The following ATRNL1 variants were observed in gnomAD, a reference collection of about 807,000 sequenced individuals.
The protein encoded by ATRNL1 is attractin like 1, also known as attractin-like protein 1.
Under a neutral mutation model 182.7 loss-of-function variants are expected in ATRNL1, and 95 were observed. The ratio of observed to expected loss-of-function variants is 0.52; its 90% CI spans 0.44 to 0.62. The LOEUF (loss-of-function observed/expected upper bound fraction) is 0.62. ATRNL1 is among the 20% of genes least tolerant of loss of function. The probability of loss-of-function intolerance (pLI) is 0.00; values close to 1 mark genes in which losing one functional copy is unlikely to be tolerated. For missense variants in ATRNL1, 1,471 were observed against 1,679.5 expected, an observed-to-expected ratio of 0.88 and a Z score of 2.17; for synonymous variants, 576 against 568.3, an observed-to-expected ratio of 1.01 and a Z score of -0.19.
At chr10:115,436,475 ATGAT>A (rs1162877123) in intron 21 of ATRNL1, among the ~76,000 whole-genome samples, 1 of 152,094 alleles carries the variant, frequency 6.6e-6, no homozygotes, top group Non-Finnish European at 1.5e-5. Context: ...TGTTTTTTCT[ATGAT>A]ATGATATCTA....
chr10:115,635,833 A>G (rs564543539), intron 26 of ATRNL1, among the ~76,000 whole-genome samples: 1 of 152,192 alleles, frequency 6.6e-6, no homozygotes, highest in Admixed American at 6.5e-5. Context: ...GAACCACTAC[A>G]TGTAAGTATA....
chr10:115,560,272 A>C (rs534755364), intron 26 of ATRNL1, among the ~76,000 whole-genome samples: 1 of 152,326 alleles, frequency 6.6e-6, no homozygotes, highest in Admixed American at 6.5e-5. Flanking sequence ...AAAGAGGCTT[A>C]ATTGACTCTC....
intron 24 of ATRNL1, among the ~76,000 whole-genome samples, chr10:115,516,951 C>A (rs1229025663): frequency 1.3e-5 from 2 of 151,870 alleles, no homozygotes; most frequent in African/African-American, 4.8e-5. Context: ...GTGATATCCC[C>A]CTACAAGTTC....
At chr10:115,549,001 A>G (rs1170856994) in intron 25 of ATRNL1, among the ~76,000 whole-genome samples, 3 of 152,124 alleles carry the variant, frequency 2.0e-5, no homozygotes, top group African/African-American at 4.8e-5. Context: ...TTCATATATA[A>G]TATGTTCAGA....
rs571463625 is a variant in ATRNL1, at chr10:115,673,206, G to A, written c.3796-54042G>A. On this transcript the variant is annotated intron_variant, in intron 26 of 28. Coordinates refer to ENST00000355044, the MANE Select transcript of ATRNL1 (RefSeq NM_207303.4). ...AGAATTTAGGATTCTATTTAAGACA[G>A]TAGTTTCAAATCTGAGTGATATAAT... Among the ~76,000 whole-genome samples the A allele has an allele frequency of 3.3e-5, 5 of 152,208 alleles. No homozygotes were observed. The East Asian group carries it at 7.7e-4, about 24-fold the overall frequency.
At chr10:115,411,183 T>C (rs937582790) in intron 20 of ATRNL1, among the ~76,000 whole-genome samples, 4 of 151,098 alleles carry the variant, frequency 2.6e-5, no homozygotes, top group African/African-American at 4.8e-5. Context: ...TGACAAGGTA[T>C]ATGTATATAT....
intron 7 of ATRNL1, among the ~76,000 whole-genome samples, chr10:115,166,635 C>T (rs1455295341): frequency 6.6e-6 from 1 of 151,832 alleles, no homozygotes; most frequent in African/African-American, 2.4e-5. Flanking sequence ...TTTTGATTTG[C>T]ATTTCTCTAA....
At chr10:115,754,042 G>A (rs1565349016) in intron 27 of ATRNL1, among the ~76,000 whole-genome samples, 2 of 152,226 alleles carry the variant, frequency 1.3e-5, no homozygotes, top group South Asian at 2.1e-4. Flanking sequence ...TTGTAAATTT[G>A]TTTAAGTTCT....
At chr10:115,870,748 ACTGT>A (rs1304482788) in intron 28 of ATRNL1, among the ~76,000 whole-genome samples, 1 of 152,234 alleles carries the variant, frequency 6.6e-6, no homozygotes, top group Non-Finnish European at 1.5e-5. Flanking sequence ...CTGGAGCCAG[ACTGT>A]CTGAGATTTA....
At chr10:115,854,633 C>T (rs191663329) in intron 28 of ATRNL1, among the ~76,000 whole-genome samples, 13 of 152,302 alleles carry the variant, frequency 8.5e-5, no homozygotes, top group African/African-American at 3.1e-4. Flanking sequence ...GTGAGCCGTC[C>T]TTCCCCCTTT....
chr10:115,847,179 AACAGAGAATAGAACAATATTC>A (rs1950948968), intron 27 of ATRNL1, among the ~76,000 whole-genome samples: 1 of 152,192 alleles, frequency 6.6e-6, no homozygotes, highest in African/African-American at 2.4e-5. Flanking sequence ...AAGACATAGA[AACAGAGAATAGAACAATATTC>A]ACCAGGGACA....
rs916898766 is a variant in ATRNL1, at chr10:115,106,522, G to A, written c.293+12479G>A. On this transcript the variant is annotated intron_variant, in intron 1 of 28. Transcript: ENST00000355044. ...ATGGTTTGGCTGTGTTCCCATTCAA[G>A]CCTCAGTTTGAATTGTATCTCCTAG... is the stretch of plus-strand genomic sequence containing the variant. Among the ~76,000 whole-genome samples the A allele has an allele frequency of 5.9e-5, 9 of 152,108 alleles. No homozygotes were observed. In the East Asian group the frequency reaches 9.6e-4, roughly 16 times the overall value.
chr10:115,142,320 TGTCA>T (rs1157832353), intron 5 of ATRNL1, among the ~76,000 whole-genome samples: 6 of 152,108 alleles, frequency 3.9e-5, no homozygotes, highest in Admixed American at 6.6e-5. Flanking sequence ...GGCAGAGACC[TGTCA>T]GTTCAAAGAC....
intron 9 of ATRNL1, among the ~76,000 whole-genome samples, chr10:115,233,918 T>G (rs1423984478): frequency 1.3e-5 from 2 of 151,988 alleles, no homozygotes; most frequent in Non-Finnish European, 2.9e-5. Flanking sequence ...GATGTTAATA[T>G]GTGAGATTTG....
At chr10:115,911,830 C>T (rs1952687411) in intron 28 of ATRNL1, among the ~76,000 whole-genome samples, 1 of 152,168 alleles carries the variant, frequency 6.6e-6, no homozygotes, top group African/African-American at 2.4e-5. Context: ...TCCACTTTCT[C>T]CCCTCAAGCC....
intron 24 of ATRNL1, among the ~76,000 whole-genome samples, chr10:115,487,668 T>A (rs782191878): frequency 6.6e-6 from 1 of 152,222 alleles, no homozygotes; most frequent in African/African-American, 2.4e-5. Context: ...AATCATGTCC[T>A]CTGCAAACAG....
intron 28 of ATRNL1, among the ~76,000 whole-genome samples, chr10:115,871,150 A>G (rs1555105989): frequency 6.6e-6 from 1 of 152,012 alleles, no homozygotes; most frequent in Non-Finnish European, 1.5e-5. Context: ...TGTACTCAGT[A>G]AACTTTTGGA....
chr10:115,856,435 A>AAAAAAAAAAAAAAAAAAAAAAAC (rs1951186630), intron 28 of ATRNL1, among the ~76,000 whole-genome samples: 1 of 143,002 alleles, frequency 7.0e-6, no homozygotes, highest in Non-Finnish European at 1.5e-5. Flanking sequence ...TCTCAAAAAA[A>AAAAAAAAAAAAAAAAAAAAAAAC]AAAAAAAAAA....
At position 115,093,805 on chromosome 10, in the gene ATRNL1, G is replaced by A. The variant is rs782654677; in HGVS notation, c.55G>A (p.Val19Met). Residue 19 changes from valine (V) to methionine (M), a missense_variant, in exon 1 of 29, where the codon GTG (valine) becomes ATG (methionine). Around this residue, in one of 3 missense-constraint regions of ATRNL1, gnomAD observed 1,031 missense variants for 1,156.0 expected, o/e 0.89. Transcript: ENST00000355044. The surrounding 1 kb of genome is among the most constrained non-coding windows in gnomAD (Gnocchi z 6.1). Reference sequence around the variant, plus strand: ...TACCCCGCAGCCAGCGGCCCCGGGGGTGTGGAGGGCTCGGCCGGCGGGCGG... The same window carrying A: ...TACCCCGCAGCCAGCGGCCCCGGGGATGTGGAGGGCTCGGCCGGCGGGCGG... ...TGTPQPAAPG[V>M]WRARPAGGGG... 3.4e-6 allele frequency: 5 copies of A among 1,489,274 alleles called. No individual in the cohort carries two copies. The highest frequency in any genetic ancestry group is 4.5e-6 in the Non-Finnish European group (5 of 1,121,188). 92.3% of individuals were successfully genotyped at this position (1,489,274 alleles called of 1,614,324 possible). A position where few individuals can be genotyped will look rare whatever the true frequency, so the allele number is the denominator to read the frequency against.
Sources: gnomAD v4.1 joint callset for allele counts (sites outside exome capture counted in the v4.1 genomes callset) on GRCh38, gnomAD v4.1.1 for gene constraint, gnomAD v4.1.1 regional missense constraint, Gnocchi (gnomAD v3.1) non-coding constraint, MANE v1.5 for transcripts, NCBI Gene and HGNC (gene_info 2026-07-23, HGNC 2026-07-21) for gene names.